The following SPON1 variants were observed in gnomAD, a reference collection of about 807,000 sequenced individuals.
The protein encoded by SPON1 is spondin-1.
A neutral mutation model predicts 111.7 loss-of-function variants in SPON1; 52 were observed. The observed-to-expected ratio is 0.47, with a 90% CI of 0.37 to 0.59. The LOEUF is 0.59. Among genes scored for constraint, SPON1 ranks in the 20% least tolerant of loss-of-function variants. The pLI is 0.00. For missense variants in SPON1, 957 were observed against 1,068.5 expected (o/e 0.90, Z 1.46); for synonymous variants, 410 against 395.8 (o/e 1.04, Z -0.43).
At chr11:14,122,259 T>C (rs546916737) in intron 5 of SPON1, among the ~76,000 whole-genome samples, 1 of 152,296 alleles carries the variant, frequency 6.6e-6, no homozygotes, top group Admixed American at 6.5e-5. Flanking sequence ...CTGCAAGCTC[T>C]ACCTCCCAGG....
At chr11:14,028,422 A>T (rs934480992) in intron 2 of SPON1, among the ~76,000 whole-genome samples, 6 of 152,094 alleles carry the variant, frequency 3.9e-5, no homozygotes, top group Admixed American at 3.9e-4. Flanking sequence ...ATAGTGAGCT[A>T]TGATCTTGTC....
At chr11:14,064,493 C>G (rs144488082) in intron 3 of SPON1, among the ~76,000 whole-genome samples, 29 of 152,184 alleles carry the variant, frequency 1.9e-4, no homozygotes, top group Non-Finnish European at 3.8e-4. Context: ...AAGCTGAATT[C>G]AGGTACTTGG....
At chr11:14,190,710 G>A (rs1190322935) in intron 6 of SPON1, among the ~76,000 whole-genome samples, 5 of 148,108 alleles carry the variant, frequency 3.4e-5, no homozygotes, top group Admixed American at 6.8e-5. Flanking sequence ...GCATGATCTC[G>A]GCTCACTGCA....
intron 1 of SPON1, among the ~76,000 whole-genome samples, chr11:13,966,497 C>G (rs1241123521): frequency 6.6e-6 from 1 of 152,200 alleles, no homozygotes; most frequent in Non-Finnish European, 1.5e-5. Flanking sequence ...AAGTCAGACT[C>G]TGGCTAATGA....
At chr11:14,181,708 A>T (rs1848236389) in intron 6 of SPON1, among the ~76,000 whole-genome samples, 1 of 152,224 alleles carries the variant, frequency 6.6e-6, no homozygotes, top group African/African-American at 2.4e-5. Context: ...TAATCTCAAC[A>T]GGGAGAAGAA....
intron 6 of SPON1, among the ~76,000 whole-genome samples, chr11:14,229,894 G>A (rs61883840): frequency 0.18 from 27,702 of 151,874 alleles, 2,600 homozygotes; most frequent in Middle Eastern, 0.24. Context: ...GTTACCATGG[G>A]AAACCTGGAA....
At chr11:14,031,187 C>T (rs1185273761) in intron 2 of SPON1, among the ~76,000 whole-genome samples, 3 of 152,106 alleles carry the variant, frequency 2.0e-5, no homozygotes, top group East Asian at 3.8e-4. Context: ...ATGATAGACA[C>T]CAGGGGCTAC....
intron 5 of SPON1, among the ~76,000 whole-genome samples, chr11:14,131,122 C>T (rs1238391781): frequency 6.6e-6 from 1 of 152,152 alleles, no homozygotes; most frequent in Non-Finnish European, 1.5e-5. Flanking sequence ...ACAACCTAGC[C>T]CTGAAGTTCT....
intron 3 of SPON1, among the ~76,000 whole-genome samples, chr11:14,071,572 G>A (rs1554920905): frequency 1.3e-5 from 2 of 152,096 alleles, no homozygotes. Context: ...CCCAAACCCT[G>A]TTCCTTCTCC....
rs1591375182 is a variant in SPON1 at position 14,098,845 on chromosome 11, C to A, written c.676+18824C>A. ...TGACCCTAGAGTCCTTTCTACCATG[C>A]CTCTCCTTTAAAGTGGTAATCCATT... On this transcript the variant is annotated intron_variant, in intron 5 of 15. Transcript: ENST00000576479. 2.0e-5 allele frequency among the ~76,000 whole-genome samples: 3 copies of A among 152,158 alleles called. 1 individual carries two copies. Among genetic ancestry groups the A allele is most frequent in the South Asian group, 4.1e-4 (2 of 4,828 alleles).
chr11:13,971,116 A>C (rs1423434685), intron 1 of SPON1, among the ~76,000 whole-genome samples: 1 of 152,208 alleles, frequency 6.6e-6, no homozygotes, highest in Non-Finnish European at 1.5e-5. Context: ...CACCCAAGGG[A>C]TGGCAGACAG....
intron 2 of SPON1, among the ~76,000 whole-genome samples, chr11:14,033,115 C>T (rs1848570992): frequency 6.6e-6 from 1 of 152,212 alleles, no homozygotes; most frequent in African/African-American, 2.4e-5. Context: ...GCCTCTCCTG[C>T]TCACTCTGCT....
intron 6 of SPON1, among the ~76,000 whole-genome samples, chr11:14,229,912 C>A (rs1257252769): frequency 6.6e-6 from 1 of 150,502 alleles, no homozygotes; most frequent in African/African-American, 2.5e-5. Flanking sequence ...GAAGAGAGGC[C>A]AGCCTGTGTG....
intron 6 of SPON1, among the ~76,000 whole-genome samples, chr11:14,214,273 G>T (rs1848604845): frequency 6.6e-6 from 1 of 152,304 alleles, no homozygotes; most frequent in Non-Finnish European, 1.5e-5. Context: ...AGCGTTGGAA[G>T]AATTCCCTGT....
intron 7 of SPON1, among the ~76,000 whole-genome samples, chr11:14,247,276 G>A (rs1392170701): frequency 6.6e-6 from 1 of 152,146 alleles, no homozygotes; most frequent in Non-Finnish European, 1.5e-5. Flanking sequence ...CAGGCGTGGT[G>A]GCTTGTGCCT....
At chr11:14,184,148 A>T (rs556417050) in intron 6 of SPON1, among the ~76,000 whole-genome samples, 1 of 152,278 alleles carries the variant, frequency 6.6e-6, no homozygotes, top group Admixed American at 6.5e-5. Flanking sequence ...AAGCCTTCCA[A>T]CTATGTAATC....
At chr11:14,034,283 A>G (rs372998101) in intron 2 of SPON1, among the ~76,000 whole-genome samples, 3 of 152,386 alleles carry the variant, frequency 2.0e-5, no homozygotes, top group Admixed American at 6.5e-5. Context: ...CCATTGTAAT[A>G]TGTTTTAATT....
intron 6 of SPON1, among the ~76,000 whole-genome samples, chr11:14,151,339 T>C (rs890244838): frequency 6.6e-5 from 10 of 152,006 alleles, no homozygotes; most frequent in Non-Finnish European, 1.0e-4. Flanking sequence ...TGGTAGGGGG[T>C]GGACCTGCAA....
intron 6 of SPON1, among the ~76,000 whole-genome samples, chr11:14,141,820 G>A (rs1048406309): frequency 6.6e-6 from 1 of 151,796 alleles, no homozygotes; most frequent in Non-Finnish European, 1.5e-5. Flanking sequence ...TAAAGCCATG[G>A]CCTGACTTCA....
Sources: gnomAD v4.1 joint callset for allele counts (sites outside exome capture counted in the v4.1 genomes callset) on GRCh38, gnomAD v4.1.1 for gene constraint, MANE v1.5 for transcripts, NCBI Gene and HGNC (gene_info 2026-07-23, HGNC 2026-07-21) for gene names.